EPB41: variants seen among roughly 807,000 people sequenced by gnomAD.
The protein encoded by EPB41 is erythrocyte membrane protein band 4.1.
Under a neutral mutation model 108.0 loss-of-function variants are expected in EPB41, and 65 were observed. The observed-to-expected ratio is 0.60, with a 90% CI of 0.49 to 0.74. EPB41 has a LOEUF of 0.74. Among genes scored for constraint, EPB41 ranks in the 30% least tolerant of loss-of-function variants. EPB41 has a pLI of 0.00. For synonymous variants in EPB41, 336 were observed against 358.9 expected (o/e 0.94, Z 0.72); for missense variants, 875 against 1,037.0 (o/e 0.84, Z 2.15).
At chr1:28,967,437 T>A (rs2095387368) in intron 1 of EPB41, among the ~76,000 whole-genome samples, 1 of 152,204 alleles carries the variant, frequency 6.6e-6, no homozygotes, top group African/African-American at 2.4e-5. Flanking sequence ...GAGGAACTGG[T>A]AAACTATTTA....
intron 11 of EPB41, among the ~76,000 whole-genome samples, chr1:29,044,589 C>A (rs1378883466): frequency 9.2e-5 from 14 of 152,114 alleles, no homozygotes; most frequent in Admixed American, 9.2e-4. Context: ...CACCTGTAAT[C>A]CCAGCACTTT....
chr1:29,011,208 T>C (rs747100081), intron 4 of EPB41, among the ~76,000 whole-genome samples: 3 of 147,158 alleles, frequency 2.0e-5, no homozygotes, highest in Non-Finnish European at 3.0e-5. Context: ...CTACTAAAAA[T>C]ACAAAAATTA....
At chr1:29,111,720 T>C (rs758116228) in intron 18 of EPB41, among the ~76,000 whole-genome samples, 12 of 152,098 alleles carry the variant, frequency 7.9e-5, no homozygotes, top group Admixed American at 1.3e-4. Flanking sequence ...GGCTCACGCC[T>C]GTAATCCAAG....
chr1:28,978,097 G>A (rs974908566), intron 1 of EPB41, among the ~76,000 whole-genome samples: 3 of 151,090 alleles, frequency 2.0e-5, no homozygotes, highest in African/African-American at 7.4e-5. Context: ...TTAATGTATG[G>A]TATTAACTGA....
chr1:28,992,235 A>G (rs1417473114), intron 2 of EPB41, among the ~76,000 whole-genome samples: 1 of 152,164 alleles, frequency 6.6e-6, no homozygotes, highest in Non-Finnish European at 1.5e-5. Flanking sequence ...GAGTCAAATA[A>G]TTAATTTCTT....
chr1:29,063,794 T>C lies in EPB41; in HGVS notation c.2008-1188T>C, dbSNP rs978307765. Reference sequence around the variant, plus strand: ...AGTGATGGGCTCCCACATGTTTTGATCTCAAGCATAGATCTTTTAAGGTTT... The same window carrying C: ...AGTGATGGGCTCCCACATGTTTTGACCTCAAGCATAGATCTTTTAAGGTTT... On this transcript the variant is annotated intron_variant, in intron 15 of 20. Transcript: ENST00000343067. Among the ~76,000 whole-genome samples, 23 of 152,348 alleles carry C rather than the reference T, an allele frequency of 1.5e-4. No individual in the cohort carries two copies. The East Asian group carries it at 4.2e-3, about 28-fold the overall frequency.
Position 29,085,292 on chromosome 1 carries a change from G to A in EPB41, c.2185-12515G>A, listed in dbSNP as rs530754041. ...TGAGTAACTGGGATTACAGGCACCC[G>A]CCACCATGCCCGGCTAATTTTTTTG... is the stretch of plus-strand genomic sequence containing the variant. On this transcript the variant is annotated intron_variant, in intron 16 of 20. Coordinates refer to ENST00000343067, the MANE Select transcript of EPB41 (RefSeq NM_001376013.1). Among the ~76,000 whole-genome samples the A allele has an allele frequency of 9.9e-5, 15 of 151,756 alleles. No homozygotes were observed. In the South Asian group the frequency reaches 1.7e-3, roughly 17 times the overall value.
At chr1:28,960,526 G>C (rs1311171683) in intron 1 of EPB41, among the ~76,000 whole-genome samples, 1 of 136,660 alleles carries the variant, frequency 7.3e-6, no homozygotes, top group East Asian at 2.2e-4. Flanking sequence ...GCAGGAGTTT[G>C]AGACCAGTCG....
chr1:28,892,667 C>A (rs1360591599), intron 1 of EPB41, among the ~76,000 whole-genome samples: 1 of 151,970 alleles, frequency 6.6e-6, no homozygotes, highest in Non-Finnish European at 1.5e-5. Context: ...CCATTGCACT[C>A]CAGCCTGGGC....
At chr1:28,903,500 T>C (rs932422822) in intron 1 of EPB41, among the ~76,000 whole-genome samples, 34 of 151,800 alleles carry the variant, frequency 2.2e-4, no homozygotes, top group African/African-American at 7.5e-4. Context: ...AATTTTTATA[T>C]TTTTAGTAGA....
chr1:29,067,890 T>C (rs1384434952), intron 16 of EPB41, among the ~76,000 whole-genome samples: 2 of 152,202 alleles, frequency 1.3e-5, no homozygotes, highest in Non-Finnish European at 2.9e-5. Flanking sequence ...AAATGGACTT[T>C]AGTTTTGTGT....
Position 29,035,890 on chromosome 1 carries a change from G to A in EPB41, c.1430G>A (p.Trp477Ter). 6.2e-7 allele frequency: 1 copy of A among 1,613,902 alleles called. No individual in the cohort carries two copies. The highest frequency in any genetic ancestry group is 8.5e-7 in the Non-Finnish European group (1 of 1,179,820). Residue 477 changes from tryptophan (W) to a stop codon, truncating the protein, a stop_gained, in exon 10 of 21, where the codon TGG becomes TAG. Transcript: ENST00000343067. LOFTEE classifies it high-confidence loss of function. Reference protein sequence around the residue: ...LPSYRAAKKLWKVCVEHHTFF... With the variant: ...LPSYRAAKKL ...AGTTACCGAGCAGCTAAGAAATTAT[G>A]GAAAGTCTGTGTAGAACATCACACG...
chr1:28,908,937 C>G (rs933207242), intron 1 of EPB41, among the ~76,000 whole-genome samples: 1 of 150,428 alleles, frequency 6.6e-6, no homozygotes, highest in Admixed American at 6.6e-5. Context: ...CCGAGGCAGG[C>G]GGATCACCAG....
intron 7 of EPB41, among the ~76,000 whole-genome samples, chr1:29,024,290 ATG>A (rs1346256944): frequency 6.7e-6 from 1 of 148,404 alleles, no homozygotes; most frequent in Non-Finnish European, 1.5e-5. Context: ...AGCCGAGATC[ATG>A]CCACTGCACT....
chr1:28,890,267 A>G (rs893432923), intron 1 of EPB41, among the ~76,000 whole-genome samples: 1 of 151,844 alleles, frequency 6.6e-6, no homozygotes, highest in African/African-American at 2.4e-5. Flanking sequence ...CGAACTCCTG[A>G]CCTCAGGTGA....
chr1:29,081,263 A>G (rs1656495435), intron 16 of EPB41, among the ~76,000 whole-genome samples: 1 of 152,254 alleles, frequency 6.6e-6, no homozygotes, highest in African/African-American at 2.4e-5. Context: ...TAGTTGTCAC[A>G]TCTGTTAGAA....
At chr1:29,054,569 G>T (rs2150785116) in intron 12 of EPB41, 1 of 150,864 alleles carries the variant, frequency 6.6e-6, no homozygotes, top group East Asian at 1.9e-4. Context: ...AAACTGTTAG[G>T]CCAGGTGTGG....
intron 1 of EPB41, among the ~76,000 whole-genome samples, chr1:28,917,153 A>G (rs1041575855): frequency 3.9e-5 from 6 of 152,096 alleles, no homozygotes; most frequent in African/African-American, 1.4e-4. Flanking sequence ...CAATATGGCT[A>G]CAATCTACCT....
chr1:29,040,155 G>A (rs1335597604), intron 11 of EPB41, among the ~76,000 whole-genome samples: 2 of 151,886 alleles, frequency 1.3e-5, no homozygotes, highest in Non-Finnish European at 2.9e-5. Flanking sequence ...GTGCACCTCT[G>A]TACTCCAGCC....
Sources: allele counts gnomAD v4.1 joint callset (sites outside exome capture counted in the v4.1 genomes callset), GRCh38; gene constraint gnomAD v4.1.1; transcripts MANE v1.5; gene names NCBI Gene and HGNC (gene_info 2026-07-23, HGNC 2026-07-21).